The following PAX7 variants were observed in gnomAD, a reference collection of about 807,000 sequenced individuals.
PAX7 encodes paired box 7.
PAX7 carries 18 observed loss-of-function variants against 50.7 expected under a neutral mutation model. That is an observed-to-expected ratio of 0.36 (90% CI 0.25 to 0.53). The LOEUF (loss-of-function observed/expected upper bound fraction) is 0.53, where lower values mean the gene tolerates loss of function less well. Among genes scored for constraint, PAX7 ranks in the 20% least tolerant of loss-of-function variants. The probability of loss-of-function intolerance (pLI) is 0.93; values close to 1 mark genes in which losing one functional copy is unlikely to be tolerated. For synonymous variants in PAX7, 310 were observed against 290.4 expected, an observed-to-expected ratio of 1.07 and a Z score of -0.69; for missense variants, 644 against 702.9, an observed-to-expected ratio of 0.92 and a Z score of 0.95.
intron 4 of PAX7, among the ~76,000 whole-genome samples, chr1:18,686,620 G>A (rs562027463): frequency 6.6e-6 from 1 of 152,246 alleles, no homozygotes; most frequent in East Asian, 1.9e-4. Flanking sequence ...TAATCCTGTT[G>A]ATTAATTTAA....
rs770378701 is a variant in PAX7, at chr1:18,661,253, G to A, written c.586+24882G>A. Among the ~76,000 whole-genome samples the A allele has an allele frequency of 5.3e-5, 8 of 152,290 alleles. No homozygotes were observed. The East Asian group carries it at 7.7e-4, about 15-fold the overall frequency. The stretch of plus-strand genomic sequence containing the variant: ...TTCAGTGTAAGGGTTGCCATGAGGA[G>A]TAGGGGGCATAGGGGCTGTGGGAGA... On this transcript the variant is annotated intron_variant, in intron 4 of 8. Transcript: ENST00000420770.
chr1:18,647,583 C>G (rs1181665523), intron 4 of PAX7, among the ~76,000 whole-genome samples: 2 of 152,144 alleles, frequency 1.3e-5, no homozygotes, highest in East Asian at 3.9e-4. Flanking sequence ...GTGAAGCATT[C>G]TGAGATCCTA....
At chr1:18,655,033 T>A (rs2100464765) in intron 4 of PAX7, among the ~76,000 whole-genome samples, 1 of 152,370 alleles carries the variant, frequency 6.6e-6, no homozygotes, top group East Asian at 1.9e-4. Flanking sequence ...GCCAGAACCA[T>A]ATATGCATTC....
rs988421928 is a variant in PAX7, at chr1:18,748,808, G to C, written c.*3879G>C. 9.2e-6 allele frequency: 2 copies of C among 216,438 alleles called. No individual in the cohort carries two copies. The highest frequency in any genetic ancestry group is 1.9e-5 in the Non-Finnish European group (2 of 107,576). 13.4% of individuals were successfully genotyped at this position (216,438 alleles called of 1,614,324 possible). ...TATTTGCTTTAACTACCTGCTGCTT[G>C]TAAGCGCTTCCTCTGTAACTCAGGC... On this transcript the variant is annotated 3_prime_UTR_variant, in exon 9 of 9. Transcript: ENST00000420770.
intron 7 of PAX7, among the ~76,000 whole-genome samples, chr1:18,716,283 C>G (rs2089418830): frequency 6.6e-6 from 1 of 152,188 alleles, no homozygotes; most frequent in Non-Finnish European, 1.5e-5. Context: ...TCCTGCGCAC[C>G]TCGGCCTTGT....
intron 4 of PAX7, among the ~76,000 whole-genome samples, chr1:18,643,907 C>T (rs984024685): frequency 1.3e-5 from 2 of 152,342 alleles, no homozygotes; most frequent in South Asian, 2.1e-4. Flanking sequence ...GGGGCCAGCC[C>T]GCGTGCCTGG....
intron 7 of PAX7, among the ~76,000 whole-genome samples, chr1:18,708,429 C>A (rs2089310718): frequency 2.6e-5 from 4 of 151,892 alleles, no homozygotes; most frequent in African/African-American, 9.7e-5. Flanking sequence ...GTGGGGCGAG[C>A]CTGTGGTCCC....
At chr1:18,721,730 G>C (rs1186185368) in intron 7 of PAX7, among the ~76,000 whole-genome samples, 2 of 152,250 alleles carry the variant, frequency 1.3e-5, no homozygotes, top group Non-Finnish European at 2.9e-5. Context: ...TGCTCCGTCA[G>C]TGATGCGGGG....
intron 7 of PAX7, among the ~76,000 whole-genome samples, chr1:18,714,344 G>C (rs973592279): frequency 6.6e-6 from 1 of 152,180 alleles, no homozygotes; most frequent in African/African-American, 2.4e-5. Context: ...TGGGGCCTCT[G>C]CCACTCACCT....
intron 7 of PAX7, among the ~76,000 whole-genome samples, chr1:18,728,737 T>C (rs903129755): frequency 4.7e-5 from 7 of 148,958 alleles, no homozygotes; most frequent in African/African-American, 1.5e-4. Context: ...TGGTGGTGCA[T>C]GCCTGTAATC....
At chr1:18,698,258 G>A (rs551661277) in intron 5 of PAX7, among the ~76,000 whole-genome samples, 22 of 141,842 alleles carry the variant, frequency 1.6e-4, no homozygotes, top group African/African-American at 4.8e-4. Flanking sequence ...ATAAAGGGAA[G>A]GCAATTGTTA....
intron 4 of PAX7, among the ~76,000 whole-genome samples, chr1:18,640,689 C>T (rs1188508051): frequency 1.3e-5 from 2 of 152,168 alleles, no homozygotes; most frequent in East Asian, 3.9e-4. Context: ...GGATTTGAAG[C>T]TGTTCAGAGT....
intron 4 of PAX7, among the ~76,000 whole-genome samples, chr1:18,647,005 G>T (rs2088352834): frequency 1.4e-5 from 2 of 143,714 alleles, no homozygotes; most frequent in Non-Finnish European, 3.1e-5. Context: ...GCCTTGGGCG[G>T]GGATCCCGGA....
At chr1:18,744,025 G>A (rs988189704) in intron 8 of PAX7, among the ~76,000 whole-genome samples, 12 of 152,268 alleles carry the variant, frequency 7.9e-5, no homozygotes, top group East Asian at 7.7e-4. Flanking sequence ...ACACTCATCT[G>A]TCTCCTCTGG....
At chr1:18,667,393 AG>A (rs2088684087) in intron 4 of PAX7, among the ~76,000 whole-genome samples, 1 of 45,162 alleles carries the variant, frequency 2.2e-5, no homozygotes, top group Non-Finnish European at 4.4e-5. Flanking sequence ...GGAAGGAGAA[AG>A]GAAGGAAGGA....
intron 4 of PAX7, among the ~76,000 whole-genome samples, chr1:18,679,114 G>A (rs943187952): frequency 4.5e-4 from 68 of 152,324 alleles, no homozygotes; most frequent in African/African-American, 1.5e-3. Flanking sequence ...CTTCTCTGTG[G>A]CCTTCACACC....
At chr1:18,658,982 A>G (rs1285123060) in intron 4 of PAX7, among the ~76,000 whole-genome samples, 1 of 151,930 alleles carries the variant, frequency 6.6e-6, no homozygotes, top group Non-Finnish European at 1.5e-5. Flanking sequence ...ACACATATGT[A>G]TGTGTGTGTT....
chr1:18,651,457 G>T (rs1424265581), intron 4 of PAX7, among the ~76,000 whole-genome samples: 14 of 152,190 alleles, frequency 9.2e-5, no homozygotes, highest in Middle Eastern at 3.2e-3. Flanking sequence ...CAACAGCTTT[G>T]TTGAGTTGGG....
In PAX7 at chr1:18,631,176, G is replaced by C. The variant is rs1001476447; in HGVS notation, c.-428G>C. The C allele has an allele frequency of 1.3e-5, 3 of 237,614 alleles. No homozygotes were observed. In the Admixed American group the frequency reaches 1.7e-4, roughly 13 times the overall value. 14.7% of individuals were successfully genotyped at this position (237,614 alleles called of 1,614,324 possible). On this transcript the variant is annotated 5_prime_UTR_variant, in exon 1 of 9. Coordinates refer to ENST00000420770, the MANE Select transcript of PAX7 (RefSeq NM_001135254.2). The stretch of plus-strand genomic sequence containing the variant: ...CCCGAGCGCCAGAGCGCCAGAGCGC[G>C]AGAGCGCGGCGCTCGCCACTCTGAG...
Sources: gnomAD v4.1 joint callset for allele counts (sites outside exome capture counted in the v4.1 genomes callset) on GRCh38, gnomAD v4.1.1 for gene constraint, MANE v1.5 for transcripts, NCBI Gene and HGNC (gene_info 2026-07-23, HGNC 2026-07-21) for gene names.